The following RIT2 variants were observed in gnomAD, a reference collection of about 807,000 sequenced individuals.
RIT2 encodes the protein GTP-binding protein Rit2.
Under a neutral mutation model 23.7 loss-of-function variants are expected in RIT2, and 24 were observed. The observed-to-expected ratio is 1.01, with a 90% CI of 0.73 to 1.43. RIT2 has a LOEUF of 1.43. Among genes scored for constraint, RIT2 ranks in the 40% most tolerant of loss-of-function variants. RIT2 has a pLI of 0.00. For missense variants in RIT2, 236 were observed against 266.9 expected, an observed-to-expected ratio of 0.88 and a Z score of 0.81; for synonymous variants, 107 against 91.1, an observed-to-expected ratio of 1.17 and a Z score of -0.99.
intron 2 of RIT2, among the ~76,000 whole-genome samples, chr18:43,001,380 T>C (rs940823987): frequency 3.3e-5 from 5 of 151,864 alleles, no homozygotes; most frequent in Non-Finnish European, 5.9e-5. Context: ...CAAGGAAAAA[T>C]ATTTTAGCTC....
At chr18:42,889,177 C>T (rs1055978563) in intron 4 of RIT2, among the ~76,000 whole-genome samples, 1 of 151,966 alleles carries the variant, frequency 6.6e-6, no homozygotes, top group Non-Finnish European at 1.5e-5. Context: ...TTAACATATA[C>T]TGTTTTAAAA....
chr18:42,842,735 C>T, intron 4 of RIT2, among the ~76,000 whole-genome samples: 1 of 152,080 alleles, frequency 6.6e-6, no homozygotes, highest in East Asian at 1.9e-4. Context: ...TGGAAAATTC[C>T]ATACCTGACC....
intron 4 of RIT2, among the ~76,000 whole-genome samples, chr18:42,784,091 T>C (rs1913872279): frequency 6.6e-6 from 1 of 152,090 alleles, no homozygotes; most frequent in African/African-American, 2.4e-5. Context: ...TGTACACACT[T>C]CCCACTCTCC....
intron 4 of RIT2, among the ~76,000 whole-genome samples, chr18:42,795,551 G>T (rs1164312595): frequency 6.6e-6 from 1 of 152,222 alleles, no homozygotes; most frequent in African/African-American, 2.4e-5. Flanking sequence ...GAGCCTCCCG[G>T]ATGAGCGCAG....
intron 4 of RIT2, among the ~76,000 whole-genome samples, chr18:42,768,516 C>T (rs926457516): frequency 4.6e-5 from 7 of 152,090 alleles, no homozygotes; most frequent in African/African-American, 1.7e-4. Flanking sequence ...ATGACAGTTT[C>T]CAGAGCCCAC....
intron 2 of RIT2, among the ~76,000 whole-genome samples, chr18:43,014,233 C>T (rs751463600): frequency 4.0e-5 from 6 of 151,700 alleles, no homozygotes; most frequent in Non-Finnish European, 8.8e-5. Context: ...TAAGAACATA[C>T]TTCAGACACA....
At chr18:42,942,897 G>T (rs1016124959) in intron 3 of RIT2, among the ~76,000 whole-genome samples, 6 of 152,190 alleles carry the variant, frequency 3.9e-5, no homozygotes, top group Non-Finnish European at 7.4e-5. Flanking sequence ...CCATGTTGGT[G>T]ATTGATGATG....
chr18:42,963,944 C>A (rs190631894), intron 3 of RIT2, among the ~76,000 whole-genome samples: 4 of 151,890 alleles, frequency 2.6e-5, no homozygotes, highest in Non-Finnish European at 1.5e-5. Context: ...GTGATCCCAG[C>A]ACTTTGGGAA....
At chr18:42,920,089 T>A (rs1598714921) in intron 4 of RIT2, among the ~76,000 whole-genome samples, 1 of 152,122 alleles carries the variant, frequency 6.6e-6, no homozygotes, top group Non-Finnish European at 1.5e-5. Flanking sequence ...AACTTTGGGC[T>A]ACTACTGGCT....
At chr18:42,780,820 C>CTT (rs750695978) in intron 4 of RIT2, among the ~76,000 whole-genome samples, 17 of 131,240 alleles carry the variant, frequency 1.3e-4, no homozygotes, top group Admixed American at 7.6e-4. Flanking sequence ...GCTTTTCAGG[C>CTT]TTTTTTTTTT....
intron 1 of RIT2, among the ~76,000 whole-genome samples, chr18:43,110,255 CCACT>C (rs1237327415): frequency 6.7e-6 from 1 of 148,640 alleles, no homozygotes; most frequent in Non-Finnish European, 1.5e-5. Context: ...ATATATATAC[CCACT>C]ATGTACCCAT....
At position 42,743,439 on chromosome 18, in the gene RIT2, G is replaced by T; in HGVS notation, c.*54C>A. On this transcript the variant is annotated 3_prime_UTR_variant, in exon 5 of 5. Transcript: ENST00000326695. ...ATATTGAAGCAGAATGCTACATATG[G>T]AATTGTCCAACTAATAAAATTCAGA... is the stretch of plus-strand genomic sequence containing the variant. 1 of 1,249,330 alleles carries T rather than the reference G, an allele frequency of 8.0e-7. No individual in the cohort carries two copies. The highest frequency in any genetic ancestry group is 1.2e-6 in the Non-Finnish European group (1 of 854,802). The allele number at this position is 1,249,330 out of a possible 1,614,324, so 77.4% of individuals were successfully genotyped here.
At chr18:42,899,684 C>A (rs1470266048) in intron 4 of RIT2, among the ~76,000 whole-genome samples, 2 of 152,046 alleles carry the variant, frequency 1.3e-5, no homozygotes, top group Admixed American at 1.3e-4. Context: ...TGAAAATATG[C>A]ATGCTGTCAC....
At chr18:43,095,189 G>A (rs910086593) in intron 1 of RIT2, among the ~76,000 whole-genome samples, 2 of 152,080 alleles carry the variant, frequency 1.3e-5, no homozygotes, top group African/African-American at 2.4e-5. Flanking sequence ...CAGTGTAAAA[G>A]CGTTCCTATT....
At chr18:42,827,232 AT>A (rs1424425299) in intron 4 of RIT2, among the ~76,000 whole-genome samples, 1 of 152,226 alleles carries the variant, frequency 6.6e-6, no homozygotes, top group Non-Finnish European at 1.5e-5. Context: ...GGTATCAGAA[AT>A]TGCTGAGGAA....
intron 4 of RIT2, among the ~76,000 whole-genome samples, chr18:42,825,497 T>C (rs1477678779): frequency 1.3e-5 from 2 of 151,596 alleles, no homozygotes; most frequent in East Asian, 1.9e-4. Flanking sequence ...AAAGTATACA[T>C]TGTTTGAGTA....
chr18:42,986,097 T>G (rs1052699605), intron 2 of RIT2, among the ~76,000 whole-genome samples: 2 of 151,370 alleles, frequency 1.3e-5, no homozygotes, highest in East Asian at 3.9e-4. Context: ...TGGAGTGTAG[T>G]GGCATGATCT....
At chr18:43,110,615 A>C (rs1308001172) in intron 1 of RIT2, among the ~76,000 whole-genome samples, 1 of 152,152 alleles carries the variant, frequency 6.6e-6, no homozygotes, top group Non-Finnish European at 1.5e-5. Context: ...GCAGTGGAAC[A>C]AAATGAGATA....
At chr18:42,929,742 C>A (rs1568032846) in intron 3 of RIT2, among the ~76,000 whole-genome samples, 1 of 152,148 alleles carries the variant, frequency 6.6e-6, no homozygotes, top group Non-Finnish European at 1.5e-5. Context: ...GGGCTTGGGA[C>A]CCTGGGCAGC....
Sources: allele counts gnomAD v4.1 joint callset (sites outside exome capture counted in the v4.1 genomes callset), GRCh38; gene constraint gnomAD v4.1.1; transcripts MANE v1.5; gene names NCBI Gene and HGNC (gene_info 2026-07-23, HGNC 2026-07-21).